ACAD10: variants seen among roughly 807,000 people sequenced by gnomAD.
The protein encoded by ACAD10 is ACAD-10.
In ACAD10, 112 loss-of-function variants were observed where a neutral mutation model predicts 116.8. The observed-to-expected ratio is 0.96, with a 90% CI of 0.82 to 1.12. The LOEUF is 1.12. Among genes scored for constraint, ACAD10 ranks in the 50% most tolerant of loss-of-function variants. The pLI is 0.00. For synonymous variants in ACAD10, 486 were observed against 510.6 expected (o/e 0.95, Z 0.65); for missense variants, 1,259 against 1,350.2 (o/e 0.93, Z 1.06).
Position 111,718,036 on chromosome 12 carries a change from C to CTTTTTTTT in ACAD10, c.992+2098_992+2105dup, listed in dbSNP as rs560344796. Among the ~76,000 whole-genome samples the CTTTTTTTT allele has an allele frequency of 1.5e-3, 97 of 63,678 alleles. 23 individuals are homozygous for CTTTTTTTT. The highest frequency in any genetic ancestry group is 6.2e-3 in the African/African-American group (76 of 12,204). 41.8% of individuals were successfully genotyped at this position (63,678 alleles called of 152,430 possible). On this transcript the variant is annotated intron_variant, in intron 7 of 20. Coordinates refer to ENST00000313698, the MANE Select transcript of ACAD10 (RefSeq NM_025247.6). Reference sequence around the variant, plus strand: ...TATACGTAGGATCTATAGTGATATCCTTTTTTTTTTTTTTTTTTTTTTTTT... The same window carrying CTTTTTTTT: ...TATACGTAGGATCTATAGTGATATCCTTTTTTTTTTTTTTTTTTTTTTTTTTTTTTTTT...
intron 9 of ACAD10, among the ~76,000 whole-genome samples, chr12:111,729,229 A>G (rs1451454696): frequency 6.6e-6 from 1 of 152,180 alleles, no homozygotes; most frequent in Admixed American, 6.6e-5. Flanking sequence ...AAAGGCTATT[A>G]GGAAGCACAG....
rs186067085 is a variant in ACAD10 at position 111,746,325 on chromosome 12, T to G, written c.2256+41T>G. On this transcript the variant is annotated intron_variant, in intron 14 of 20. Coordinates refer to ENST00000313698, the MANE Select transcript of ACAD10 (RefSeq NM_025247.6). ...TTTTCCTCAGTGTGTGGGAACATCC[T>G]GATCTTCATAAGAACTCAATCCTAA... 3,300 of 1,586,376 alleles carry G rather than the reference T, an allele frequency of 2.1e-3. 9 individuals are homozygous for G. The highest frequency in any genetic ancestry group is 1.9e-3 in the Non-Finnish European group (2,195 of 1,168,572).
At chr12:111,740,817 A>G (rs1321019430) in intron 12 of ACAD10, among the ~76,000 whole-genome samples, 1 of 151,780 alleles carries the variant, frequency 6.6e-6, no homozygotes, top group African/African-American at 2.4e-5. Context: ...AGAAAAAGAA[A>G]TTTTCCAAAA....
chr12:111,733,769 C>G (rs2135978599), intron 10 of ACAD10, 154 bp from the exon 11 acceptor site: 1 of 817,136 alleles, frequency 1.2e-6, no homozygotes, highest in South Asian at 1.7e-5. Context: ...GGCAAGGGAG[C>G]CTTTGGAGCA....
chr12:111,695,910 A>G (rs1888177461), intron 2 of ACAD10, among the ~76,000 whole-genome samples: 1 of 151,714 alleles, frequency 6.6e-6, no homozygotes, highest in African/African-American at 2.4e-5. Context: ...GCTACTCTGG[A>G]GGCTGAGCAG....
At chr12:111,689,245 A>C (rs1426645605) in intron 1 of ACAD10, among the ~76,000 whole-genome samples, 3 of 151,766 alleles carry the variant, frequency 2.0e-5, no homozygotes, top group African/African-American at 7.3e-5. Context: ...AAAATATATA[A>C]ATATATATAC....
Position 111,746,210 on chromosome 12 carries a change from T to C in ACAD10, c.2182T>C (p.Tyr728His), listed in dbSNP as rs762392792. Residue 728 changes from tyrosine to histidine, a missense_variant, in exon 14 of 21, where the codon TAC becomes CAC. Tyr to His is a moderately conservative substitution (Grantham distance 83, BLOSUM62 2). Coordinates refer to ENST00000313698, the MANE Select transcript of ACAD10 (RefSeq NM_025247.6). ...LPLEADPEKK[Y>H]GAGLTNVEYA... ...CTTAGAGGCTGATCCCGAGAAAAAATACGGAGCAGGACTGACCAATGTGGA... is the reference window on the plus strand; with the variant it reads ...CTTAGAGGCTGATCCCGAGAAAAAACACGGAGCAGGACTGACCAATGTGGA... 6.2e-7 allele frequency: 1 copy of C among 1,613,784 alleles called. No homozygotes were observed. The highest frequency in any genetic ancestry group is 2.2e-5 in the East Asian group (1 of 44,856).
At position 111,753,805 on chromosome 12, in the gene ACAD10, G is replaced by T. The variant is rs1184975581; in HGVS notation, c.2851G>T (p.Val951Leu). ...CCGCTTGGCTTTTGGGAAGCCCCTG[G>T]TGGAGCAGGGCACAGTGCTGGCGGA... ...KSRLAFGKPL[V>L]EQGTVLADIA... Residue 951 changes from valine to leucine, a missense_variant, in exon 19 of 21, where the codon GTG (valine) becomes TTG (leucine). Transcript: ENST00000313698. The T allele has an allele frequency of 5.6e-6, 9 of 1,614,036 alleles. No homozygotes were observed. The highest frequency in any genetic ancestry group is 7.6e-6 in the Non-Finnish European group (9 of 1,180,048).
chr12:111,707,376 A>C (rs1397262879), intron 4 of ACAD10, among the ~76,000 whole-genome samples: 1 of 151,998 alleles, frequency 6.6e-6, no homozygotes, highest in East Asian at 1.9e-4. Context: ...GATTACAGGC[A>C]TGAGCCACTG....
At chr12:111,732,573 G>GAACA (rs1190047193) in intron 10 of ACAD10, among the ~76,000 whole-genome samples, 2 of 152,138 alleles carry the variant, frequency 1.3e-5, no homozygotes, top group Admixed American at 6.6e-5. Flanking sequence ...GGACACATGA[G>GAACA]TTCTGTCATT....
chr12:111,721,910 A>T (rs1889023915), intron 8 of ACAD10, 171 bp downstream of exon 8: 1 of 468,772 alleles, frequency 2.1e-6, no homozygotes, highest in Non-Finnish European at 3.8e-6. Flanking sequence ...ATCCTGCAAG[A>T]TAAGTATATG....
At chr12:111,726,851 A>G (rs1889228335) in intron 8 of ACAD10, among the ~76,000 whole-genome samples, 2 of 151,648 alleles carry the variant, frequency 1.3e-5, no homozygotes, top group Admixed American at 1.3e-4. Flanking sequence ...ACAGAGCGAG[A>G]CTCCATCTCA....
chr12:111,725,082 A>G (rs1023534019), intron 8 of ACAD10, among the ~76,000 whole-genome samples: 4 of 152,214 alleles, frequency 2.6e-5, no homozygotes, highest in Non-Finnish European at 5.9e-5. Flanking sequence ...AAATTAAAAC[A>G]TTGTTAACAT....
At chr12:111,754,735 T>C (rs112803946) in intron 19 of ACAD10, among the ~76,000 whole-genome samples, 11 of 152,334 alleles carry the variant, frequency 7.2e-5, no homozygotes, top group African/African-American at 2.6e-4. Flanking sequence ...TGTAGCTCGG[T>C]TTCCCAGAGC....
rs1428708631 is a variant in ACAD10 at position 111,753,898 on chromosome 12, G to A, written c.2944G>A (p.Asp982Asn). The A allele has an allele frequency of 6.2e-7, 1 of 1,607,002 alleles. No individual in the cohort carries two copies. The highest frequency in any genetic ancestry group is 8.5e-7 in the Non-Finnish European group (1 of 1,175,346). ...GGTGCTGAGAGCTGCCCACCTCATG[G>A]ACCTGGCAGGAAACAAGGTAGGGGC... ...LLVLRAAHLM[D>N]LAGNKAAALD... Residue 982 changes from aspartate (D) to asparagine (N), a missense_variant, in exon 19 of 21, where the codon GAC (aspartate) becomes AAC (asparagine). Asp to Asn is a conservative substitution (Grantham distance 23). Transcript: ENST00000313698.
In ACAD10 at chr12:111,705,721, C is replaced by T. The variant is rs767646148; in HGVS notation, c.337-17C>T. The T allele has an allele frequency of 6.2e-6, 10 of 1,609,358 alleles. No homozygotes were observed. Among genetic ancestry groups the T allele is most frequent in the Admixed American group, 5.0e-5 (3 of 59,550 alleles). ...TCTTAATGATTGCTGTTCTCCTGTG[C>T]CCTCTCCTGTTCTTAGTTAAAGACC... On this transcript the variant is annotated splice_polypyrimidine_tract_variant and intron_variant, in intron 3 of 20. Coordinates refer to ENST00000313698, the MANE Select transcript of ACAD10 (RefSeq NM_025247.6).
At chr12:111,702,131 A>T (rs779282786) in intron 2 of ACAD10, 31 bp from the exon 3 acceptor site, 1 of 1,606,254 alleles carries the variant, frequency 6.2e-7, no homozygotes, top group Non-Finnish European at 8.5e-7. Flanking sequence ...GTATCAATGT[A>T]TTCCACTTTT....
rs1039692456 is a variant in ACAD10, at chr12:111,734,159, G to A, written c.1540+91G>A. On this transcript the variant is annotated intron_variant, in intron 11 of 20. Transcript: ENST00000313698. ...CAGCTGAAGTAGTCCGTGATTGGGC[G>A]GGGGAAGTGAAAGTGAGGTCCTGGT... 36 of 1,569,422 alleles carry A rather than the reference G, an allele frequency of 2.3e-5. 1 individual carries two copies. Among genetic ancestry groups the A allele is most frequent in the Admixed American group, 3.5e-5 (2 of 57,662 alleles).
chr12:111,720,112 C>T lies in ACAD10; in HGVS notation c.993-1559C>T, dbSNP rs574090047. On this transcript the variant is annotated intron_variant, in intron 7 of 20. Coordinates refer to ENST00000313698, the MANE Select transcript of ACAD10 (RefSeq NM_025247.6). ...CTCCTGACCTCAGGTGATCCGCCCG[C>T]CTCGGCCTCCCAAAATGCTGGGATT... 7.9e-5 allele frequency among the ~76,000 whole-genome samples: 12 copies of T among 152,314 alleles called. No homozygotes were observed. The South Asian group carries it at 1.0e-3, about 13-fold the overall frequency.
Sources: gnomAD v4.1 joint callset for allele counts (sites outside exome capture counted in the v4.1 genomes callset) on GRCh38, gnomAD v4.1.1 for gene constraint, MANE v1.5 for transcripts, NCBI Gene and HGNC (gene_info 2026-07-23, HGNC 2026-07-21) for gene names.